PDK1: variants seen among roughly 807,000 people sequenced by gnomAD.
PDK1 encodes [Pyruvate dehydrogenase (acetyl-transferring)] kinase isozyme 1, mitochondrial.
PDK1 carries 39 observed loss-of-function variants against 54.2 expected under a neutral mutation model. The ratio of observed to expected loss-of-function variants is 0.72; its 90% CI spans 0.56 to 0.94. PDK1 has a LOEUF of 0.94. Ranked by LOEUF, PDK1 falls within the 40% of genes least tolerant of loss-of-function variation. The pLI is 0.00. For missense variants in PDK1, 552 were observed against 566.0 expected (o/e 0.98, Z 0.25); for synonymous variants, 221 against 207.1 (o/e 1.07, Z -0.58).
the PDK1 span, among the ~76,000 whole-genome samples, chr2:172,682,389 G>A: frequency 1.3e-5 from 2 of 152,222 alleles, no homozygotes; most frequent in Admixed American, 6.5e-5. Context: ...GCAGACGAGT[G>A]ACCTGATCTG....
At chr2:172,692,377 GTCATGTATTT>G in the PDK1 span, among the ~76,000 whole-genome samples, 1 of 152,142 alleles carries the variant, frequency 6.6e-6, no homozygotes, top group Non-Finnish European at 1.5e-5. Context: ...TTGTATGTTT[GTCATGTATTT>G]TCAAAGTTTA....
At chr2:172,563,149 A>G (rs1003175306) in intron 3 of PDK1, among the ~76,000 whole-genome samples, 3 of 152,210 alleles carry the variant, frequency 2.0e-5, no homozygotes, top group Non-Finnish European at 4.4e-5. Flanking sequence ...CATAGTTAGC[A>G]AATGGTAGAA....
the PDK1 span, among the ~76,000 whole-genome samples, chr2:172,655,961 GA>G: frequency 1.3e-5 from 2 of 152,174 alleles, no homozygotes; most frequent in Non-Finnish European, 2.9e-5. Flanking sequence ...TTTCTTCGAA[GA>G]CACAAACACT....
At chr2:172,578,104 C>G (rs1689674261) in intron 8 of PDK1, among the ~76,000 whole-genome samples, 3 of 152,252 alleles carry the variant, frequency 2.0e-5, no homozygotes, top group Middle Eastern at 6.8e-3. Flanking sequence ...TTATAGAATT[C>G]TTGTTGATAG....
At chr2:172,683,231 C>T in the PDK1 span, among the ~76,000 whole-genome samples, 1 of 151,862 alleles carries the variant, frequency 6.6e-6, no homozygotes, top group African/African-American at 2.4e-5. Flanking sequence ...CCTATAGTCC[C>T]AGCTACTTGG....
chr2:172,700,604 C>A, the PDK1 span, among the ~76,000 whole-genome samples: 6 of 152,088 alleles, frequency 3.9e-5, no homozygotes, highest in Non-Finnish European at 8.8e-5. Context: ...GACGGGGTGG[C>A]GGCCAGGTAG....
At chr2:172,712,325 A>C in the PDK1 span, among the ~76,000 whole-genome samples, 1 of 152,284 alleles carries the variant, frequency 6.6e-6, no homozygotes, top group South Asian at 2.1e-4. Context: ...CCAGCCAGGA[A>C]CCTCTGTGGC....
intron 2 of PDK1, among the ~76,000 whole-genome samples, chr2:172,560,115 G>T (rs552455057): frequency 6.6e-6 from 1 of 152,170 alleles, no homozygotes; most frequent in Non-Finnish European, 1.5e-5. Flanking sequence ...AAAGTGCAGG[G>T]ATTATGGGCA....
the PDK1 span, among the ~76,000 whole-genome samples, chr2:172,719,970 A>C: frequency 1.3e-4 from 20 of 152,242 alleles, no homozygotes; most frequent in Non-Finnish European, 2.4e-4. Flanking sequence ...GCAGAGGCTG[A>C]AACAAACAAT....
the PDK1 span, among the ~76,000 whole-genome samples, chr2:172,657,663 T>C: frequency 2.0e-5 from 3 of 152,126 alleles, no homozygotes; most frequent in Admixed American, 6.5e-5. Flanking sequence ...AAGATCACTC[T>C]GACCTTTCTT....
chr2:172,652,788 G>T, the PDK1 span, among the ~76,000 whole-genome samples: 14 of 152,250 alleles, frequency 9.2e-5, no homozygotes, highest in Admixed American at 7.8e-4. Flanking sequence ...TCTTCAAGGA[G>T]AACTACAAAC....
chr2:172,566,331 G>T (rs1688939156), intron 5 of PDK1, among the ~76,000 whole-genome samples: 1 of 152,134 alleles, frequency 6.6e-6, no homozygotes, highest in Non-Finnish European at 1.5e-5. Context: ...GAAGCGGGTG[G>T]ATCACCTGAG....
chr2:172,587,926 C>T (rs1395312524), intron 9 of PDK1, among the ~76,000 whole-genome samples: 2 of 152,068 alleles, frequency 1.3e-5, no homozygotes, highest in African/African-American at 4.8e-5. Flanking sequence ...CATTTACAAT[C>T]CTTTAGCTAG....
intron 3 of PDK1, chr2:172,562,610 A>G (rs1191594087): frequency 6.2e-6 from 4 of 649,848 alleles, no homozygotes; most frequent in East Asian, 2.7e-5. Flanking sequence ...GATCTTTGCC[A>G]TATGAAAATA....
the PDK1 span, among the ~76,000 whole-genome samples, chr2:172,630,564 T>C: frequency 3.9e-5 from 6 of 152,262 alleles, no homozygotes; most frequent in Admixed American, 3.9e-4. Context: ...ATCTACCATG[T>C]CCTTCACTGA....
chr2:172,582,365 A>G (rs1235815105), intron 8 of PDK1, among the ~76,000 whole-genome samples: 1 of 152,198 alleles, frequency 6.6e-6, no homozygotes, highest in African/African-American at 2.4e-5. Flanking sequence ...TCATCTAGTC[A>G]GTAGTGGTTC....
At chr2:172,688,681 G>A in the PDK1 span, among the ~76,000 whole-genome samples, 2 of 152,290 alleles carry the variant, frequency 1.3e-5, no homozygotes, top group Non-Finnish European at 2.9e-5. Context: ...TCTGGGAAAG[G>A]AGAGAAGGAA....
chr2:172,672,301 G>A, the PDK1 span, among the ~76,000 whole-genome samples: 3 of 152,248 alleles, frequency 2.0e-5, no homozygotes, highest in Admixed American at 6.5e-5. Context: ...TCCTTTATGT[G>A]TTCAGTGATT....
intron 8 of PDK1, among the ~76,000 whole-genome samples, chr2:172,576,128 G>A (rs570368816): frequency 2.0e-5 from 3 of 152,012 alleles, no homozygotes; most frequent in Admixed American, 6.5e-5. Context: ...GGGTTTCACC[G>A]TGTTAGCCAG....
Sources: gnomAD v4.1 joint callset for allele counts (sites outside exome capture counted in the v4.1 genomes callset) on GRCh38, gnomAD v4.1.1 for gene constraint, MANE v1.5 for transcripts, NCBI Gene and HGNC (gene_info 2026-07-23, HGNC 2026-07-21) for gene names.